ADAP1: variants seen among roughly 807,000 people sequenced by gnomAD.
ADAP1 encodes ArfGAP with dual PH domains 1, also known as arf-GAP with dual PH domain-containing protein 1.
Under a neutral mutation model 54.9 loss-of-function variants are expected in ADAP1, and 31 were observed. The observed-to-expected ratio is 0.56, with a 90% confidence interval of 0.42 to 0.76. The LOEUF is 0.76. Among genes scored for constraint, ADAP1 ranks in the 30% least tolerant of loss-of-function variants. The pLI, the probability that ADAP1 is intolerant of heterozygous loss-of-function variation, is 0.00. For missense variants in ADAP1, 535 were observed against 512.4 expected (o/e 1.04, Z -0.42); for synonymous variants, 313 against 202.6 (o/e 1.55, Z -4.63).
At chr7:915,312 C>G (rs1203750498) in intron 4 of ADAP1, among the ~76,000 whole-genome samples, 1 of 152,186 alleles carries the variant, frequency 6.6e-6, no homozygotes, top group Admixed American at 6.5e-5. Context: ...GCCTCATGCA[C>G]ACTGTGCACC....
At chr7:911,905 C>T (rs1255741972) in intron 4 of ADAP1, among the ~76,000 whole-genome samples, 1 of 152,172 alleles carries the variant, frequency 6.6e-6, no homozygotes, top group Non-Finnish European at 1.5e-5. Flanking sequence ...CACCCGTCCC[C>T]CCGAGGGGCA....
chr7:954,803 C>T, upstream of ADAP1: 4 of 782,292 alleles, frequency 5.1e-6, no homozygotes, highest in Non-Finnish European at 6.2e-6. Context: ...AGCCCGCGCG[C>T]CCCGGGGACC....
chr7:927,884 T>C (rs543624506), intron 2 of ADAP1, among the ~76,000 whole-genome samples: 4 of 145,826 alleles, frequency 2.7e-5, no homozygotes, highest in South Asian at 2.3e-4. Flanking sequence ...GAATTTATTA[T>C]ATTTTTTTAC....
rs909468586 is a variant in ADAP1, at chr7:926,108, G to A, written c.305+445C>T. On this transcript the variant is annotated intron_variant, in intron 3 of 10. Coordinates refer to ENST00000265846, the MANE Select transcript of ADAP1 (RefSeq NM_006869.4). The surrounding 1 kb of genome is among the most constrained non-coding windows in gnomAD (Gnocchi z 4.6). Reference sequence around the variant, plus strand: ...TCATTCCCTCTCTCCACAACCTCCCGATCCCAGGATGCTCAGAGGACTGGG... The same window carrying A: ...TCATTCCCTCTCTCCACAACCTCCCAATCCCAGGATGCTCAGAGGACTGGG... Among the ~76,000 whole-genome samples, 11 of 152,124 alleles carry A rather than the reference G, an allele frequency of 7.2e-5. No homozygotes were observed. Among genetic ancestry groups the A allele is most frequent in the Admixed American group, 4.6e-4 (7 of 15,288 alleles).
Position 920,719 on chromosome 7 carries a change from C to T in ADAP1, c.306-669G>A. 7.2e-7 allele frequency: 1 copy of T among 1,392,148 alleles called. No homozygotes were observed. The highest frequency in any genetic ancestry group is 9.8e-7 in the Non-Finnish European group (1 of 1,017,952). The allele number at this position is 1,392,148 out of a possible 1,614,324, so 86.2% of individuals were successfully genotyped here. On this transcript the variant is annotated intron_variant, in intron 3 of 10. Transcript: ENST00000265846. This position sits in a 1 kb window ranked among gnomAD's most constrained non-coding sequence, Gnocchi z 4.5. ...CCGGGACGAGGGCCCCCCACGGCAC[C>T]CACTGAGCCCAGACATCCCTGCCCA...
In ADAP1 at chr7:900,545, G is replaced by A. The variant is rs763888056; in HGVS notation, c.720C>T (p.Ala240=). Residue 240 remains alanine, a synonymous_variant, in exon 7 of 11, where the codon GCC becomes GCT. Coordinates refer to ENST00000265846, the MANE Select transcript of ADAP1 (RefSeq NM_006869.4). ...FHYLQVAFPG[A]GDADLVPKLS... is the part of the protein sequence containing the mutation. The stretch of plus-strand genomic sequence containing the variant: ...GGCCGCCACTCACATCTGCGTCGCC[G>A]GCCCCTGGGAATGCCACCTGCAGGT... The A allele has an allele frequency of 4.2e-5, 68 of 1,605,726 alleles. 1 individual carries two copies. The highest frequency in any genetic ancestry group is 4.8e-5 in the Non-Finnish European group (57 of 1,176,462).
chr7:917,831 T>G (rs1845998247), intron 4 of ADAP1, among the ~76,000 whole-genome samples: 1 of 152,098 alleles, frequency 6.6e-6, no homozygotes, highest in Non-Finnish European at 1.5e-5. Context: ...AGTGTAGTGG[T>G]GCAACCTTGG....
chr7:911,359 G>A (rs964739657), intron 4 of ADAP1, among the ~76,000 whole-genome samples: 20 of 152,138 alleles, frequency 1.3e-4, no homozygotes, highest in Admixed American at 1.1e-3. Context: ...CCAGAGTGAC[G>A]TGTGGATGCC....
At chr7:924,055 GC>G (rs1562928126) in intron 3 of ADAP1, among the ~76,000 whole-genome samples, 1 of 18,788 alleles carries the variant, frequency 5.3e-5, no homozygotes, top group East Asian at 1.4e-3. Flanking sequence ...TGCACCCCCC[GC>G]CCTCCGGGTT....
intron 1 of ADAP1, among the ~76,000 whole-genome samples, chr7:950,464 C>A (rs1302487783): frequency 7.8e-6 from 1 of 127,568 alleles, no homozygotes; most frequent in Non-Finnish European, 1.6e-5. Flanking sequence ...CCAGCCTGGG[C>A]GACAGAATGA....
In ADAP1 at chr7:946,384, T is replaced by C. The variant is rs1020958943; in HGVS notation, c.82+8012A>G. Among the ~76,000 whole-genome samples the C allele has an allele frequency of 1.1e-4, 17 of 151,754 alleles. No individual in the cohort carries two copies. The highest frequency in any genetic ancestry group is 7.4e-5 in the Non-Finnish European group (5 of 67,918). On this transcript the variant is annotated intron_variant, in intron 1 of 10. Coordinates refer to ENST00000265846, the MANE Select transcript of ADAP1 (RefSeq NM_006869.4). The surrounding 1 kb of genome is among the most constrained non-coding windows in gnomAD (Gnocchi z 4.3). Reference sequence around the variant, plus strand: ...CGCTCACGGGCGGCCCTGGTCCCATTCCATTGTGAGGATGGGGCCCTTTGG... The same window carrying C: ...CGCTCACGGGCGGCCCTGGTCCCATCCCATTGTGAGGATGGGGCCCTTTGG...
chr7:952,273 G>A (rs575347309), intron 1 of ADAP1, among the ~76,000 whole-genome samples: 5 of 152,302 alleles, frequency 3.3e-5, no homozygotes, highest in African/African-American at 1.2e-4. Flanking sequence ...CCAGTGGGTG[G>A]GGCCTGCTCA....
chr7:900,688 G>T, intron 6 of ADAP1, 72 bp from the exon 7 acceptor site: 1 of 1,328,574 alleles, frequency 7.5e-7, no homozygotes, highest in Admixed American at 2.0e-5. Flanking sequence ...AGGGGCTGGG[G>T]TCCCCACAGA....
intron 6 of ADAP1, among the ~76,000 whole-genome samples, chr7:903,288 G>T (rs1161980339): frequency 6.6e-6 from 1 of 152,176 alleles, no homozygotes; most frequent in Non-Finnish European, 1.5e-5. Flanking sequence ...AGCACGGCAG[G>T]CAGGGGACGG....
chr7:904,819 T>C (rs1011461728), intron 5 of ADAP1, among the ~76,000 whole-genome samples: 33 of 152,196 alleles, frequency 2.2e-4, no homozygotes, highest in African/African-American at 8.0e-4. Context: ...GGGCCTGAGT[T>C]CAGGGGGCCC....
rs2128631673 is a variant in ADAP1 at position 898,473 on chromosome 7, T to G, written c.*448A>C. 1.3e-5 allele frequency: 3 copies of G among 234,858 alleles called. No homozygotes were observed. The highest frequency in any genetic ancestry group is 2.5e-5 in the Non-Finnish European group (3 of 118,270). 14.5% of individuals were successfully genotyped at this position (234,858 alleles called of 1,614,324 possible). On this transcript the variant is annotated 3_prime_UTR_variant, in exon 11 of 11. Coordinates refer to ENST00000265846, the MANE Select transcript of ADAP1 (RefSeq NM_006869.4). Reference sequence around the variant, plus strand: ...GGCGCTCAATAAATAGTCGTGGAGGTGGGGGGAGGGCGGGGCGGCATGCGA... The same window carrying G: ...GGCGCTCAATAAATAGTCGTGGAGGGGGGGGGAGGGCGGGGCGGCATGCGA...
At chr7:911,067 T>C (rs984825678) in intron 4 of ADAP1, among the ~76,000 whole-genome samples, 1 of 152,110 alleles carries the variant, frequency 6.6e-6, no homozygotes, top group Non-Finnish European at 1.5e-5. Flanking sequence ...TCCAGGTTGG[T>C]GCGTCTGGGG....
intron 6 of ADAP1, among the ~76,000 whole-genome samples, chr7:903,763 C>T (rs554897768): frequency 5.0e-4 from 76 of 152,310 alleles, no homozygotes; most frequent in African/African-American, 1.7e-3. Flanking sequence ...CAGTTCCCCC[C>T]GAGGTCCCCT....
Position 899,234 on chromosome 7 carries a change from T to C in ADAP1, c.895A>G (p.Ile299Val). 6.2e-7 allele frequency: 1 copy of C among 1,612,792 alleles called. No homozygotes were observed. Among genetic ancestry groups the C allele is most frequent in the South Asian group, 1.1e-5 (1 of 91,088 alleles). The change falls in exon 10 of 11, where the codon ATT becomes GTT. Residue 299 changes from isoleucine to valine, a missense_variant. Transcript: ENST00000265846. The stretch of plus-strand genomic sequence containing the variant: ...GTGTAGCCACTCTCCTTGCTGCCAA[T>C]GAAGACTTCCCCTCGGGCGAAGGCG... ...LDAFARGEVF[I>V]GSKESGYTVL...
Sources: gnomAD v4.1 joint callset for allele counts (sites outside exome capture counted in the v4.1 genomes callset) on GRCh38, gnomAD v4.1.1 for gene constraint, Gnocchi (gnomAD v3.1) non-coding constraint, MANE v1.5 for transcripts, NCBI Gene and HGNC (gene_info 2026-07-23, HGNC 2026-07-21) for gene names.